DCTN5: variants seen among roughly 807,000 people sequenced by gnomAD.
The protein encoded by DCTN5 is dynactin 4.
Under a neutral mutation model 23.5 loss-of-function variants are expected in DCTN5, and 14 were observed. The ratio of observed to expected loss-of-function variants is 0.60; its 90% CI spans 0.39 to 0.93. The LOEUF is 0.93. Among genes scored for constraint, DCTN5 ranks in the 40% least tolerant of loss-of-function variants. The probability of loss-of-function intolerance (pLI) is 0.00; values close to 1 mark genes in which losing one functional copy is unlikely to be tolerated. For missense variants in DCTN5, 156 were observed against 225.9 expected (o/e 0.69, Z 1.98); for synonymous variants, 67 against 79.6 (o/e 0.84, Z 0.84).
At chr16:23,650,488 T>C (rs1967578545) in intron 2 of DCTN5, among the ~76,000 whole-genome samples, 1 of 151,156 alleles carries the variant, frequency 6.6e-6, no homozygotes, top group Non-Finnish European at 1.5e-5. Context: ...TAATTTTTTT[T>C]TTTTTTTTTG....
At chr16:23,650,612 A>G (rs1967582825) in intron 2 of DCTN5, 2 of 722,208 alleles carry the variant, frequency 2.8e-6, no homozygotes, top group African/African-American at 3.6e-5. Flanking sequence ...GGCATGAGCC[A>G]CTGCACCCGG....
intron 2 of DCTN5, chr16:23,657,494 G>A: frequency 2.3e-6 from 1 of 434,314 alleles, no homozygotes; most frequent in East Asian, 8.7e-5. Flanking sequence ...AGGCTGGAGT[G>A]CAATGGCGCG....
chr16:23,671,112 T>G lies in DCTN5; in HGVS notation c.*3968T>G, dbSNP rs1389567452. ...GTGGTGAGGAGTGTGAGTGCTAGAG[T>G]CAGGCTGATCAAATCCCAGCCTGCC... On this transcript the variant is annotated 3_prime_UTR_variant, in exon 6 of 6. Transcript: ENST00000300087. 2.0e-5 allele frequency: 3 copies of G among 151,990 alleles called. No individual in the cohort carries two copies. The highest frequency in any genetic ancestry group is 4.4e-5 in the Non-Finnish European group (3 of 67,996). The allele number at this position is 151,990 out of a possible 1,614,324, so 9.4% of individuals were successfully genotyped here.
chr16:23,654,327 T>C (rs998026393), intron 2 of DCTN5, among the ~76,000 whole-genome samples: 1 of 152,084 alleles, frequency 6.6e-6, no homozygotes, highest in Non-Finnish European at 1.5e-5. Flanking sequence ...AGGTACACCA[T>C]GAAATACAAT....
chr16:23,657,844 C>T (rs1967737711), intron 2 of DCTN5, among the ~76,000 whole-genome samples: 1 of 152,220 alleles, frequency 6.6e-6, no homozygotes, highest in Non-Finnish European at 1.5e-5. Context: ...TCATAATCTA[C>T]TTGCATGTCC....
intron 4 of DCTN5, among the ~76,000 whole-genome samples, chr16:23,663,758 G>A (rs895923392): frequency 5.9e-5 from 9 of 151,864 alleles, no homozygotes; most frequent in Non-Finnish European, 1.3e-4. Flanking sequence ...TACCTCCTCA[G>A]CTATTACCAG....
rs1245344040 is a variant in DCTN5, at chr16:23,643,773, G to A, written c.117+750G>A. 2.0e-5 allele frequency among the ~76,000 whole-genome samples: 3 copies of A among 152,144 alleles called. No homozygotes were observed. In the East Asian group the frequency reaches 5.8e-4, roughly 29 times the overall value. ...ACAATTGGAAAAGATATTAAAGTAT[G>A]AGACAAATATGCAAAGTGGAATCTG... On this transcript the variant is annotated intron_variant, in intron 2 of 5. Transcript: ENST00000300087.
chr16:23,658,820 G>A (rs532024266), intron 3 of DCTN5, among the ~76,000 whole-genome samples, 195 bp downstream of exon 3: 4 of 152,146 alleles, frequency 2.6e-5, no homozygotes, highest in African/African-American at 7.2e-5. Context: ...AACAGAATCC[G>A]CTTACACACT....
chr16:23,673,398 T>C lies in DCTN5; in HGVS notation c.*6254T>C, dbSNP rs1968043276. 6.6e-6 allele frequency: 1 copy of C among 152,232 alleles called. No individual in the cohort carries two copies. The highest frequency in any genetic ancestry group is 2.4e-5 in the African/African-American group (1 of 41,462). The allele number at this position is 152,232 out of a possible 1,614,324, so 9.4% of individuals were successfully genotyped here. A position where few individuals can be genotyped will look rare whatever the true frequency, so the allele number is the denominator to read the frequency against. On this transcript the variant is annotated 3_prime_UTR_variant, in exon 6 of 6. Coordinates refer to ENST00000300087, the MANE Select transcript of DCTN5 (RefSeq NM_032486.4). ...CTGGGATTACAGTCATGAGCCACTG[T>C]GCCCCGCCATTTTTTAATAAACCTT...
At chr16:23,647,142 T>C (rs1334865529) in intron 2 of DCTN5, among the ~76,000 whole-genome samples, 1 of 151,742 alleles carries the variant, frequency 6.6e-6, no homozygotes, top group Non-Finnish European at 1.5e-5. Context: ...CTGGTTTTTT[T>C]TTTTTTTTGA....
chr16:23,645,914 C>G (rs1012574355), intron 2 of DCTN5, among the ~76,000 whole-genome samples: 3 of 152,044 alleles, frequency 2.0e-5, no homozygotes, highest in African/African-American at 7.2e-5. Flanking sequence ...TGTATATACT[C>G]AATACTTGAT....
At chr16:23,648,480 G>C (rs900514436) in intron 2 of DCTN5, among the ~76,000 whole-genome samples, 1 of 151,066 alleles carries the variant, frequency 6.6e-6, no homozygotes. Context: ...CTCCTGAATA[G>C]CTGGGATTAC....
At chr16:23,645,104 T>TATATATATATAC (rs1967407064) in intron 2 of DCTN5, among the ~76,000 whole-genome samples, 1 of 30,038 alleles carries the variant, frequency 3.3e-5, no homozygotes, top group South Asian at 1.0e-3. Context: ...TATATATATA[T>TATATATATATAC]ATATATATAT....
chr16:23,649,105 C>T (rs373256745), intron 2 of DCTN5, among the ~76,000 whole-genome samples: 1 of 152,162 alleles, frequency 6.6e-6, no homozygotes, highest in Non-Finnish European at 1.5e-5. Context: ...AGTGATCCAC[C>T]TGCAGTTGGC....
chr16:23,650,808 G>A, intron 2 of DCTN5: 1 of 1,527,744 alleles, frequency 6.5e-7, no homozygotes, highest in South Asian at 1.2e-5. Flanking sequence ...CACAGTGCCT[G>A]CAGGGATAGA....
intron 2 of DCTN5, among the ~76,000 whole-genome samples, chr16:23,647,616 TC>T (rs1425480994): frequency 6.6e-6 from 1 of 151,924 alleles, no homozygotes; most frequent in Non-Finnish European, 1.5e-5. Context: ...CAAGCAATTG[TC>T]CTGCCTCAGC....
Position 23,675,890 on chromosome 16 carries a change from T to G in DCTN5, c.*8746T>G, listed in dbSNP as rs971628166. 3.5e-4 allele frequency: 54 copies of G among 152,246 alleles called. 1 individual carries two copies. Among genetic ancestry groups the G allele is most frequent in the African/African-American group, 1.1e-3 (47 of 41,458 alleles). The allele number at this position is 152,246 out of a possible 1,614,324, so 9.4% of individuals were successfully genotyped here. A position where few individuals can be genotyped will look rare whatever the true frequency, so the allele number is the denominator to read the frequency against. On this transcript the variant is annotated 3_prime_UTR_variant, in exon 6 of 6. Transcript: ENST00000300087. ...GCAAAACTGTTTGGGACTCACTGCC[T>G]TCAGGCAGTCCCTTGGAAGCCAAGG...
chr16:23,662,816 T>A (rs75562437), intron 4 of DCTN5, among the ~76,000 whole-genome samples: 1 of 152,234 alleles, frequency 6.6e-6, no homozygotes, highest in East Asian at 1.9e-4. Flanking sequence ...CCCAGTAGCC[T>A]AGTCATATAA....
intron 2 of DCTN5, among the ~76,000 whole-genome samples, chr16:23,656,858 G>GT (rs1967712757): frequency 1.3e-5 from 2 of 151,978 alleles, no homozygotes; most frequent in South Asian, 4.2e-4. Flanking sequence ...GGGCATGGTG[G>GT]TGGGTGCCTG....
Sources: gnomAD v4.1 joint callset for allele counts (sites outside exome capture counted in the v4.1 genomes callset) on GRCh38, gnomAD v4.1.1 for gene constraint, MANE v1.5 for transcripts, NCBI Gene and HGNC (gene_info 2026-07-23, HGNC 2026-07-21) for gene names.